Variants in KCNAB1 observed in about 807,000 individuals in gnomAD.
The protein encoded by KCNAB1 is potassium voltage-gated channel subfamily A regulatory beta subunit 1.
A neutral mutation model predicts 64.6 loss-of-function variants in KCNAB1; 35 were observed. That is an observed-to-expected ratio of 0.54 (90% CI 0.41 to 0.72). The LOEUF (loss-of-function observed/expected upper bound fraction) is 0.72. Ranked by LOEUF, KCNAB1 falls within the 30% of genes least tolerant of loss-of-function variation. The pLI, the probability that KCNAB1 is intolerant of heterozygous loss-of-function variation, is 0.00. For missense variants in KCNAB1, 401 were observed against 512.9 expected (o/e 0.78, Z 2.11); for synonymous variants, 177 against 183.8 (o/e 0.96, Z 0.30).
At chr3:156,283,979 C>G (rs1364198484) in intron 1 of KCNAB1, among the ~76,000 whole-genome samples, 1 of 152,106 alleles carries the variant, frequency 6.6e-6, no homozygotes, top group Non-Finnish European at 1.5e-5. Context: ...CAAAGTCATT[C>G]TCCATCCAGC....
At chr3:156,326,981 A>T (rs534046522) in intron 1 of KCNAB1, among the ~76,000 whole-genome samples, 1 of 152,150 alleles carries the variant, frequency 6.6e-6, no homozygotes, top group African/African-American at 2.4e-5. Flanking sequence ...CATGCCCTGA[A>T]AAGCAGATAA....
chr3:156,247,068 GA>G (rs1030175905), intron 1 of KCNAB1, among the ~76,000 whole-genome samples: 4 of 151,496 alleles, frequency 2.6e-5, no homozygotes, highest in African/African-American at 9.7e-5. Flanking sequence ...GATTGACTGG[GA>G]AAAAAAAACT....
intron 1 of KCNAB1, among the ~76,000 whole-genome samples, chr3:156,197,944 C>T (rs1714064379): frequency 6.6e-6 from 1 of 152,182 alleles, no homozygotes; most frequent in Non-Finnish European, 1.5e-5. Context: ...ATATTTCCGT[C>T]TTAACACTGC....
intron 1 of KCNAB1, among the ~76,000 whole-genome samples, chr3:156,133,062 C>T (rs972367642): frequency 2.6e-5 from 4 of 152,162 alleles, no homozygotes; most frequent in Admixed American, 1.3e-4. Flanking sequence ...GCCTAAGGTA[C>T]ATTTCGTAGC....
chr3:156,531,548 G>C lies in KCNAB1; in HGVS notation c.1170+51G>C, dbSNP rs1237957221. 3.8e-6 allele frequency: 5 copies of C among 1,331,942 alleles called. No homozygotes were observed. The South Asian group carries it at 5.9e-5, about 16-fold the overall frequency. The allele number at this position is 1,331,942 out of a possible 1,614,324, so 82.5% of individuals were successfully genotyped here. A position where few individuals can be genotyped will look rare whatever the true frequency, so the allele number is the denominator to read the frequency against. On this transcript the variant is annotated intron_variant, in intron 13 of 13. Transcript: ENST00000490337. The stretch of plus-strand genomic sequence containing the variant: ...TCAGGGAATTTAATGGTGCCTTTGA[G>C]GCTATCTCCAGGCAGTGTCCCATCT...
intron 1 of KCNAB1, among the ~76,000 whole-genome samples, chr3:156,221,231 T>C (rs1715710496): frequency 6.6e-6 from 1 of 152,216 alleles, no homozygotes; most frequent in Non-Finnish European, 1.5e-5. Context: ...AACTTTAAAG[T>C]AGTTTTTTCC....
At chr3:156,422,521 AAC>A (rs1343593977) in intron 2 of KCNAB1, among the ~76,000 whole-genome samples, 4 of 152,248 alleles carry the variant, frequency 2.6e-5, no homozygotes, top group Non-Finnish European at 5.9e-5. Context: ...TTGCCTGAGC[AAC>A]AGACAGGATG....
At chr3:156,151,300 G>T (rs994102859) in intron 1 of KCNAB1, among the ~76,000 whole-genome samples, 1 of 152,116 alleles carries the variant, frequency 6.6e-6, no homozygotes, top group Non-Finnish European at 1.5e-5. Flanking sequence ...CCCATCCAGT[G>T]ATTCCTCTTC....
chr3:156,482,872 A>G (rs999953657), intron 8 of KCNAB1, among the ~76,000 whole-genome samples: 6 of 152,092 alleles, frequency 3.9e-5, no homozygotes, highest in Non-Finnish European at 8.8e-5. Flanking sequence ...TTATGCAGGA[A>G]ATTACCTTGA....
chr3:156,126,982 C>T (rs1427470733), intron 1 of KCNAB1, among the ~76,000 whole-genome samples: 1 of 152,184 alleles, frequency 6.6e-6, no homozygotes, highest in African/African-American at 2.4e-5. Context: ...AGTAGGGATG[C>T]CTCTCTTTTC....
intron 1 of KCNAB1, among the ~76,000 whole-genome samples, chr3:156,332,122 T>C (rs552874078): frequency 8.6e-4 from 131 of 152,336 alleles, no homozygotes; most frequent in African/African-American, 2.9e-3. Flanking sequence ...AAATAAACTA[T>C]GAATAGTATG....
intron 2 of KCNAB1, among the ~76,000 whole-genome samples, chr3:156,422,736 C>G (rs756107123): frequency 1.3e-5 from 2 of 152,042 alleles, no homozygotes; most frequent in East Asian, 1.9e-4. Context: ...TGTTTAAGCC[C>G]GGATCCTGGA....
At chr3:156,232,965 T>TTGGATTATTATACCTG (rs1449621539) in intron 1 of KCNAB1, among the ~76,000 whole-genome samples, 5 of 152,194 alleles carry the variant, frequency 3.3e-5, no homozygotes, top group Non-Finnish European at 7.4e-5. Context: ...TTATGATACC[T>TTGGATTATTATACCTG]TGGATTATTA....
At position 156,328,823 on chromosome 3, in the gene KCNAB1, T is replaced by C. The variant is rs112015653; in HGVS notation, c.276-92793T>C. 1.1e-3 allele frequency among the ~76,000 whole-genome samples: 171 copies of C among 152,322 alleles called. 1 individual carries two copies. Among genetic ancestry groups the C allele is most frequent in the African/African-American group, 4.0e-3 (167 of 41,582 alleles). ...TATAATTCAATAGGCTTTGAGTAAG[T>C]TCTTAAGTCAGCTACAAAGCCACTT... is the stretch of plus-strand genomic sequence containing the variant. On this transcript the variant is annotated intron_variant, in intron 1 of 13. Coordinates refer to ENST00000490337, the MANE Select transcript of KCNAB1 (RefSeq NM_172160.3).
intron 1 of KCNAB1, among the ~76,000 whole-genome samples, chr3:156,251,616 G>A (rs1445896053): frequency 6.6e-6 from 1 of 152,148 alleles, no homozygotes; most frequent in Non-Finnish European, 1.5e-5. Context: ...CTTGGGAGGA[G>A]GGGTATCCTT....
chr3:156,510,534 C>A (rs1314876370), intron 8 of KCNAB1, among the ~76,000 whole-genome samples: 4 of 152,188 alleles, frequency 2.6e-5, no homozygotes, highest in Admixed American at 1.3e-4. Flanking sequence ...TGTCCCGTGA[C>A]CCTGAATATC....
chr3:156,533,826 G>C (rs1366256355), intron 13 of KCNAB1, among the ~76,000 whole-genome samples: 4 of 152,122 alleles, frequency 2.6e-5, no homozygotes, highest in African/African-American at 9.7e-5. Flanking sequence ...CATTCCTGGG[G>C]GCAGTCATAG....
At chr3:156,285,779 A>G (rs1018794714) in intron 1 of KCNAB1, among the ~76,000 whole-genome samples, 4 of 152,350 alleles carry the variant, frequency 2.6e-5, no homozygotes, top group Non-Finnish European at 2.9e-5. Flanking sequence ...TGTTGTGATT[A>G]TAGGTATGAG....
intron 2 of KCNAB1, 26 bp downstream of exon 2, chr3:156,421,685 G>T (rs1263933511): frequency 6.2e-7 from 1 of 1,611,760 alleles, no homozygotes; most frequent in South Asian, 1.1e-5. Context: ...GTGACCTGGG[G>T]GTGGGCTGGA....
Sources: allele counts gnomAD v4.1 joint callset (sites outside exome capture counted in the v4.1 genomes callset), GRCh38; gene constraint gnomAD v4.1.1; transcripts MANE v1.5; gene names NCBI Gene and HGNC (gene_info 2026-07-23, HGNC 2026-07-21).